The following MAP3K9 variants were observed in gnomAD, a reference collection of about 807,000 sequenced individuals.
MAP3K9 encodes the protein mixed lineage kinase 1 (tyr and ser/thr specificity).
MAP3K9 carries 46 observed loss-of-function variants against 95.8 expected under a neutral mutation model. That is an observed-to-expected ratio of 0.48 (90% CI 0.38 to 0.61). The LOEUF (loss-of-function observed/expected upper bound fraction) is 0.61, where lower values mean the gene tolerates loss of function less well. MAP3K9 is among the 20% of genes least tolerant of loss of function. MAP3K9 has a pLI of 0.00. For synonymous variants in MAP3K9, 533 were observed against 593.8 expected, an observed-to-expected ratio of 0.90 and a Z score of 1.49; for missense variants, 1,296 against 1,474.3, an observed-to-expected ratio of 0.88 and a Z score of 1.98.
chr14:70,768,283 T>C (rs1357122361), intron 2 of MAP3K9, among the ~76,000 whole-genome samples: 2 of 152,028 alleles, frequency 1.3e-5, no homozygotes, highest in Non-Finnish European at 2.9e-5. Flanking sequence ...ACACCTATTA[T>C]GTACCCACAA....
In MAP3K9 at chr14:70,736,112, G is replaced by A. The variant is rs533440983; in HGVS notation, c.1845-83C>T. 1,517 of 878,442 alleles carry A rather than the reference G, an allele frequency of 1.7e-3. 11 individuals are homozygous for A. The highest frequency in any genetic ancestry group is 0.011 in the East Asian group (436 of 40,278). The allele number at this position is 878,442 out of a possible 1,614,324, so 54.4% of individuals were successfully genotyped here. ...CTCCCACACCAAAACACCCAAGGCT[G>A]GATTCACACCACATCGCCAGCTGCC... On this transcript the variant is annotated intron_variant, in intron 8 of 11. Transcript: ENST00000554752.
intron 3 of MAP3K9, among the ~76,000 whole-genome samples, chr14:70,751,116 C>G (rs150816054): frequency 1.3e-5 from 2 of 152,154 alleles, no homozygotes; most frequent in African/African-American, 4.8e-5. Context: ...AACAGAGCAG[C>G]GCATCAGCTG....
rs1324082259 is a variant in MAP3K9, at chr14:70,809,485, T to G, written c.-314A>C. On this transcript the variant is annotated 5_prime_UTR_variant, in exon 1 of 12. Transcript: ENST00000554752. ...TGCTCGCGCAGCCGGTGCCCGCCGC[T>G]GCCAGCCGGCCGCCGCTCTCCTCTC... 1.9e-4 allele frequency: 33 copies of G among 175,834 alleles called. No individual in the cohort carries two copies. Among genetic ancestry groups the G allele is most frequent in the East Asian group, 4.2e-4 (3 of 7,064 alleles). 10.9% of individuals were successfully genotyped at this position (175,834 alleles called of 1,614,324 possible). A position where few individuals can be genotyped will look rare whatever the true frequency, so the allele number is the denominator to read the frequency against.
chr14:70,806,644 ACGCTGTTG>A (rs1248176225), intron 1 of MAP3K9, among the ~76,000 whole-genome samples: 7 of 152,242 alleles, frequency 4.6e-5, no homozygotes, highest in Non-Finnish European at 1.0e-4. Context: ...AAAAAGTAGC[ACGCTGTTG>A]CCATGCCTAG....
rs751053521 is a variant in MAP3K9, at chr14:70,749,897, G to A, written c.1150+36C>T. The A allele has an allele frequency of 3.7e-6, 6 of 1,613,718 alleles. No homozygotes were observed. The South Asian group carries it at 6.6e-5, about 18-fold the overall frequency. ...CTACCCAGTGCTTACAAGAGGCAAA[G>A]TGTCTCCAGTTTGGTTCAGGCCAGG... On this transcript the variant is annotated intron_variant, in intron 4 of 11. Coordinates refer to ENST00000554752, the MANE Select transcript of MAP3K9 (RefSeq NM_001284230.2).
In MAP3K9 at chr14:70,808,839, C is replaced by T; in HGVS notation, c.333G>A (p.Val111=). 1.3e-6 allele frequency: 2 copies of T among 1,598,442 alleles called. No individual in the cohort carries two copies. Among genetic ancestry groups the T allele is most frequent in the South Asian group, 1.1e-5 (1 of 88,360 alleles). ...GGCTGGAGAAGGCGCTGCGCGGGGT[C>T]ACGTAGTTGCTGGGGAAGATGCCCA... is the stretch of plus-strand genomic sequence containing the variant. The part of the protein sequence containing the change: ...QRVGIFPSNY[V]TPRSAFSSRC... The change falls in exon 1 of 12, where the codon GTG becomes GTA. Residue 111 remains valine (V), a synonymous_variant. Coordinates refer to ENST00000554752, the MANE Select transcript of MAP3K9 (RefSeq NM_001284230.2).
chr14:70,808,895 C>T lies in MAP3K9; in HGVS notation c.277G>A (p.Gly93Ser). Residue 93 changes from glycine to serine, a missense_variant, in exon 1 of 12, where the codon GGC becomes AGC. By Grantham distance (56) the Gly-to-Ser change is moderately conservative. This residue lies in a region of MAP3K9 where 338 missense variants were observed against 363.4 expected (regional missense o/e 0.93). Transcript: ENST00000554752. ...SKDSQVSGDE[G>S]WWTGQLNQRV... ...TGGTTCAGCTGCCCGGTCCACCAGC[C>T]CTCGTCGCCGGACACCTGCGAGTCC... 6.3e-7 allele frequency: 1 copy of T among 1,597,942 alleles called. No homozygotes were observed. The highest frequency in any genetic ancestry group is 8.5e-7 in the Non-Finnish European group (1 of 1,175,530).
At chr14:70,750,244 T>C (rs929246646) in intron 3 of MAP3K9, among the ~76,000 whole-genome samples, 163 bp from the exon 4 acceptor site, 2 of 152,184 alleles carry the variant, frequency 1.3e-5, no homozygotes, top group Admixed American at 6.5e-5. Flanking sequence ...TAAAGCCTAC[T>C]AGCTAAAAGC....
At chr14:70,745,480 G>A (rs2054133135) in intron 5 of MAP3K9, among the ~76,000 whole-genome samples, 1 of 152,326 alleles carries the variant, frequency 6.6e-6, no homozygotes, top group Admixed American at 6.5e-5. Flanking sequence ...TCTCACGCCT[G>A]TAATCCCAGC....
In MAP3K9 at chr14:70,739,923, C is replaced by T. The variant is rs759962004; in HGVS notation, c.1690+119G>A. 6.2e-6 allele frequency: 10 copies of T among 1,613,318 alleles called. No homozygotes were observed. In the African/African-American group the frequency reaches 9.3e-5, roughly 15 times the overall value. Reference sequence around the variant, plus strand: ...ATATGTGCATGTATATACACATTGTCGAGGAGAGGTGGCAGAAGTTATGGA... The same window carrying T: ...ATATGTGCATGTATATACACATTGTTGAGGAGAGGTGGCAGAAGTTATGGA... On this transcript the variant is annotated intron_variant, in intron 7 of 11. Coordinates refer to ENST00000554752, the MANE Select transcript of MAP3K9 (RefSeq NM_001284230.2).
At chr14:70,735,448 A>T (rs2053972616) in intron 9 of MAP3K9, among the ~76,000 whole-genome samples, 1 of 151,518 alleles carries the variant, frequency 6.6e-6, no homozygotes, top group Non-Finnish European at 1.5e-5. Context: ...CTTGAGAGAG[A>T]CAGAGGACCA....
intron 1 of MAP3K9, among the ~76,000 whole-genome samples, chr14:70,807,089 C>T (rs1285515647): frequency 2.0e-5 from 3 of 152,006 alleles, no homozygotes; most frequent in African/African-American, 7.3e-5. Flanking sequence ...GAGGGGGAAC[C>T]TAAAGATTTG....
intron 2 of MAP3K9, among the ~76,000 whole-genome samples, chr14:70,768,182 G>A (rs1014638060): frequency 3.3e-5 from 5 of 151,934 alleles, no homozygotes; most frequent in African/African-American, 9.7e-5. Context: ...AAGGATAAAC[G>A]CTTGAGGGGA....
intron 1 of MAP3K9, among the ~76,000 whole-genome samples, chr14:70,808,263 C>A (rs1235203428): frequency 5.3e-5 from 8 of 152,232 alleles, no homozygotes; most frequent in African/African-American, 1.9e-4. Flanking sequence ...GCTTCCGGGA[C>A]TTGTGAGCCA....
In MAP3K9 at chr14:70,742,392, C is replaced by T. The variant is rs2054083024; in HGVS notation, c.1526G>A (p.Arg509Gln). 6.2e-7 allele frequency: 1 copy of T among 1,614,170 alleles called. No homozygotes were observed. Among genetic ancestry groups the T allele is most frequent in the Non-Finnish European group, 8.5e-7 (1 of 1,180,032 alleles). The change falls in exon 6 of 12, where the codon CGG (arginine) becomes CAG (glutamine). Residue 509 changes from arginine (R) to glutamine (Q), a missense_variant. Coordinates refer to ENST00000554752, the MANE Select transcript of MAP3K9 (RefSeq NM_001284230.2). ...KKRKGKFRKS[R>Q]LKLKDGNRIS... ...GCGGTTGCCATCCTTGAGCTTCAGCCGGCTCTTCCTGAACTTGCCCTTGCG... is the reference window on the plus strand; with the variant it reads ...GCGGTTGCCATCCTTGAGCTTCAGCTGGCTCTTCCTGAACTTGCCCTTGCG...
intron 5 of MAP3K9, among the ~76,000 whole-genome samples, chr14:70,744,310 AT>A (rs1461087382): frequency 6.6e-6 from 1 of 152,154 alleles, no homozygotes; most frequent in African/African-American, 2.4e-5. Context: ...CACATTCTGC[AT>A]ATGTACCCCA....
At chr14:70,791,589 G>A (rs78449198) in intron 2 of MAP3K9, among the ~76,000 whole-genome samples, 2,842 of 152,308 alleles carry the variant, frequency 0.019, 38 homozygotes, top group Non-Finnish European at 0.03. Context: ...CACACTGTAC[G>A]GGGCACTGGG....
chr14:70,794,200 C>T (rs971165387), intron 2 of MAP3K9, among the ~76,000 whole-genome samples: 2 of 152,180 alleles, frequency 1.3e-5, no homozygotes, highest in African/African-American at 4.8e-5. Flanking sequence ...GAGAAGGCAG[C>T]AAAGATCTCA....
intron 2 of MAP3K9, among the ~76,000 whole-genome samples, chr14:70,797,204 A>G (rs1341917137): frequency 6.6e-6 from 1 of 152,300 alleles, no homozygotes. Context: ...ACTAACACAT[A>G]TAATTCCTAG....
Sources: allele counts gnomAD v4.1 joint callset (sites outside exome capture counted in the v4.1 genomes callset), GRCh38; gene constraint gnomAD v4.1.1; regional missense constraint gnomAD v4.1.1; transcripts MANE v1.5; gene names NCBI Gene and HGNC (gene_info 2026-07-23, HGNC 2026-07-21).